Variants in SOX5 observed in about 807,000 individuals in gnomAD.
The protein encoded by SOX5 is SRY-box transcription factor 5, also known as transcription factor SOX-5.
Under a neutral mutation model 92.0 loss-of-function variants are expected in SOX5, and 9 were observed. The ratio of observed to expected loss-of-function variants is 0.10; its 90% CI spans 0.06 to 0.17. The LOEUF is 0.17. Ranked by LOEUF, SOX5 falls within the 10% of genes least tolerant of loss-of-function variation. The pLI, the probability that SOX5 is intolerant of heterozygous loss-of-function variation, is 1.00. For synonymous variants in SOX5, 344 were observed against 336.3 expected (o/e 1.02, Z -0.25); for missense variants, 642 against 944.5 (o/e 0.68, Z 4.20).
chr12:24,438,589 A>G (rs920857753), intron 1 of SOX5, among the ~76,000 whole-genome samples: 2 of 152,194 alleles, frequency 1.3e-5, no homozygotes, highest in Non-Finnish European at 2.9e-5. Context: ...GAGGGGGTAA[A>G]AAAGAAAAAA....
At chr12:24,266,395 T>C (rs1424048460) in intron 3 of SOX5, among the ~76,000 whole-genome samples, 1 of 152,150 alleles carries the variant, frequency 6.6e-6, no homozygotes, top group African/African-American at 2.4e-5. Flanking sequence ...TAACAGACTT[T>C]TAATGTGCAC....
At position 23,878,104 on chromosome 12, in the gene SOX5, T is replaced by C. The variant is rs532203336; in HGVS notation, c.270+17689A>G. Among the ~76,000 whole-genome samples the C allele has an allele frequency of 6.6e-5, 10 of 152,200 alleles. No homozygotes were observed. In the South Asian group the frequency reaches 2.1e-3, roughly 31 times the overall value. ...GAACTTCGATCATTTCACATGAGTT[T>C]TGGCATATACTCTTCACGCTGTTAT... is the stretch of plus-strand genomic sequence containing the variant. On this transcript the variant is annotated intron_variant, in intron 2 of 14. Transcript: ENST00000451604.
chr12:24,311,883 A>G (rs1949215437), intron 2 of SOX5, among the ~76,000 whole-genome samples: 1 of 152,210 alleles, frequency 6.6e-6, no homozygotes, highest in Non-Finnish European at 1.5e-5. Context: ...TGTAAAATAT[A>G]TATTTTTAGA....
intron 3 of SOX5, among the ~76,000 whole-genome samples, chr12:23,764,859 T>G (rs1308071358): frequency 6.6e-6 from 1 of 152,030 alleles, no homozygotes; most frequent in Non-Finnish European, 1.5e-5. Context: ...ACATACAGCC[T>G]GATAAAGCAC....
chr12:23,871,002 A>T (rs566731436), intron 2 of SOX5, among the ~76,000 whole-genome samples: 1 of 152,280 alleles, frequency 6.6e-6, no homozygotes, highest in African/African-American at 2.4e-5. Context: ...ATGTAACAGA[A>T]ATACTTAACT....
In SOX5 at chr12:24,481,833, G is replaced by T. The variant is rs1439742497; in HGVS notation, c.-251+80496C>A. Among the ~76,000 whole-genome samples, 3 of 152,270 alleles carry T rather than the reference G, an allele frequency of 2.0e-5. No individual in the cohort carries two copies. In the East Asian group the frequency reaches 5.8e-4, roughly 29 times the overall value. Reference sequence around the variant, plus strand: ...CACTGGGCTTGCTTCTGTGCTCAAGGGTCTCAGTGAAGTCTGGCTCATCTG... The same window carrying T: ...CACTGGGCTTGCTTCTGTGCTCAAGTGTCTCAGTGAAGTCTGGCTCATCTG... On this transcript the variant is annotated intron_variant, in intron 1 of 4. Transcript: ENST00000446891.
At chr12:24,155,989 C>T (rs1336592505) in intron 4 of SOX5, among the ~76,000 whole-genome samples, 2 of 152,116 alleles carry the variant, frequency 1.3e-5, no homozygotes, top group African/African-American at 4.8e-5. Context: ...TCTGCTCAGA[C>T]CTGATGCTCT....
rs568722056 is a variant in SOX5 at position 24,524,146 on chromosome 12, C to T, written c.-251+38183G>A. ...AAGAACCACTTTCAGTGTGAGTGGG[C>T]ACCATCTAAACCAGATTCTCAGGCC... On this transcript the variant is annotated intron_variant, in intron 1 of 4. Transcript: ENST00000446891. 3.9e-4 allele frequency among the ~76,000 whole-genome samples: 59 copies of T among 152,294 alleles called. No homozygotes were observed. The South Asian group carries it at 0.012, about 31-fold the overall frequency.
At chr12:23,715,696 C>T (rs2092436612) in intron 6 of SOX5, among the ~76,000 whole-genome samples, 1 of 151,634 alleles carries the variant, frequency 6.6e-6, no homozygotes, top group Admixed American at 6.6e-5. Flanking sequence ...ATCAACGGCT[C>T]CCATATGCTC....
intron 9 of SOX5, among the ~76,000 whole-genome samples, chr12:23,576,546 T>C (rs1949132894): frequency 6.6e-6 from 1 of 152,222 alleles, no homozygotes; most frequent in South Asian, 2.1e-4. Context: ...TCTCTTTCAG[T>C]ACCTGGTTTC....
intron 2 of SOX5, among the ~76,000 whole-genome samples, chr12:24,290,228 C>T (rs1946464266): frequency 6.6e-6 from 1 of 152,142 alleles, no homozygotes; most frequent in Non-Finnish European, 1.5e-5. Context: ...ATATCCAAAT[C>T]CAGAAGGCTA....
chr12:23,993,983 G>A (rs146479014), intron 4 of SOX5, among the ~76,000 whole-genome samples: 11 of 152,026 alleles, frequency 7.2e-5, no homozygotes, highest in Admixed American at 2.0e-4. Context: ...GTGTGGTGGC[G>A]TGTGTCTGTA....
At chr12:24,355,282 C>CTTTTTTTTTTTTTTTTTTTT (rs768157437) in intron 2 of SOX5, among the ~76,000 whole-genome samples, 4 of 71,920 alleles carry the variant, frequency 5.6e-5, no homozygotes, top group Non-Finnish European at 9.2e-5. Context: ...AGGGGTGCAT[C>CTTTTTTTTTTTTTTTTTTTT]TTTTTTTTTT....
intron 3 of SOX5, among the ~76,000 whole-genome samples, chr12:23,807,263 T>C (rs1411861105): frequency 1.3e-5 from 2 of 152,166 alleles, no homozygotes; most frequent in South Asian, 2.1e-4. Context: ...TCGAAGGATA[T>C]GCGAAAATTC....
At chr12:24,477,401 T>C (rs993865604) in intron 1 of SOX5, among the ~76,000 whole-genome samples, 1 of 152,116 alleles carries the variant, frequency 6.6e-6, no homozygotes, top group Non-Finnish European at 1.5e-5. Flanking sequence ...CCCAAAGTGC[T>C]GGGATTACAG....
chr12:23,949,889 C>T (rs1945315618), upstream of SOX5, among the ~76,000 whole-genome samples: 1 of 150,046 alleles, frequency 6.7e-6, no homozygotes, highest in South Asian at 2.1e-4. Context: ...CTGGCTGCTC[C>T]CCCCTCCGCG....
intron 10 of SOX5, among the ~76,000 whole-genome samples, chr12:23,570,734 C>A (rs1032738831): frequency 2.0e-5 from 3 of 150,786 alleles, no homozygotes; most frequent in Non-Finnish European, 4.4e-5. Flanking sequence ...CATGGTGAAG[C>A]CCTGTCCCTA....
intron 3 of SOX5, among the ~76,000 whole-genome samples, chr12:23,817,578 G>T (rs920984503): frequency 9.9e-5 from 15 of 152,156 alleles, no homozygotes; most frequent in African/African-American, 3.6e-4. Flanking sequence ...GTGAATATTG[G>T]AATTGTTTTT....
At chr12:23,761,798 T>C (rs981337729) in intron 3 of SOX5, among the ~76,000 whole-genome samples, 2 of 152,118 alleles carry the variant, frequency 1.3e-5, no homozygotes, top group Non-Finnish European at 1.5e-5. Flanking sequence ...GAACTAAGTA[T>C]TATTAACTCG....
Sources: allele counts gnomAD v4.1 joint callset (sites outside exome capture counted in the v4.1 genomes callset), GRCh38; gene constraint gnomAD v4.1.1; transcripts MANE v1.5; gene names NCBI Gene and HGNC (gene_info 2026-07-23, HGNC 2026-07-21).